COTL1: variants seen among roughly 807,000 people sequenced by gnomAD.
COTL1 encodes the protein coactosin like F-actin binding protein 1.
COTL1 carries 15 observed loss-of-function variants against 16.5 expected under a neutral mutation model. The observed-to-expected ratio is 0.91, with a 90% CI of 0.61 to 1.40. The LOEUF (loss-of-function observed/expected upper bound fraction) is 1.40, where lower values mean the gene tolerates loss of function less well. COTL1 is among the 40% of genes most tolerant of loss of function. The pLI, the probability that COTL1 is intolerant of heterozygous loss-of-function variation, is 0.00. For synonymous variants in COTL1, 112 were observed against 85.3 expected (o/e 1.31, Z -1.73); for missense variants, 220 against 201.5 (o/e 1.09, Z -0.56).
chr16:84,587,348 G>T (rs530129362), intron 3 of COTL1, among the ~76,000 whole-genome samples: 4 of 152,272 alleles, frequency 2.6e-5, no homozygotes, highest in Admixed American at 1.3e-4. Flanking sequence ...TTTTAAAAAT[G>T]ATTATCTCGC....
intron 3 of COTL1, among the ~76,000 whole-genome samples, chr16:84,587,740 G>T (rs937196857): frequency 2.6e-5 from 4 of 152,104 alleles, no homozygotes; most frequent in African/African-American, 7.2e-5. Flanking sequence ...GGAACTGACA[G>T]GGGGACCACA....
chr16:84,578,224 GC>G (rs1208331576), intron 3 of COTL1, among the ~76,000 whole-genome samples: 2 of 152,100 alleles, frequency 1.3e-5, no homozygotes, highest in African/African-American at 2.4e-5. Flanking sequence ...TCAAAACTGT[GC>G]CCAGCATTTC....
At chr16:84,589,261 C>T (rs1403012777) in intron 3 of COTL1, among the ~76,000 whole-genome samples, 1 of 152,232 alleles carries the variant, frequency 6.6e-6, no homozygotes, top group Admixed American at 6.5e-5. Context: ...CAGGCGTGAG[C>T]CACCGCACCC....
chr16:84,611,889 TG>T (rs1905336317), intron 2 of COTL1, among the ~76,000 whole-genome samples: 1 of 152,146 alleles, frequency 6.6e-6, no homozygotes, highest in South Asian at 2.1e-4. Flanking sequence ...CTTTCTGCTG[TG>T]GCCAGGTAGA....
chr16:84,617,415 C>T (rs1597190150), intron 2 of COTL1, 86 bp downstream of exon 2: 2 of 1,323,684 alleles, frequency 1.5e-6, no homozygotes, highest in East Asian at 2.5e-5. Context: ...CCACCGGTTC[C>T]TCCCGGGTTC....
chr16:84,582,881 C>T (rs1209837219), intron 3 of COTL1, among the ~76,000 whole-genome samples: 2 of 152,188 alleles, frequency 1.3e-5, no homozygotes, highest in East Asian at 3.8e-4. Flanking sequence ...GTCTCACTCC[C>T]CTACACGCCG....
intron 2 of COTL1, among the ~76,000 whole-genome samples, chr16:84,597,966 T>C (rs1905040519): frequency 6.6e-6 from 1 of 152,164 alleles, no homozygotes; most frequent in African/African-American, 2.4e-5. Flanking sequence ...CTCTAGCTCC[T>C]CTGCTTGCCC....
intron 2 of COTL1, among the ~76,000 whole-genome samples, chr16:84,608,019 A>G (rs989686200): frequency 3.9e-5 from 6 of 152,166 alleles, no homozygotes; most frequent in Non-Finnish European, 8.8e-5. Context: ...AGCGAGGGGG[A>G]CTATCTTTTC....
chr16:84,592,084 A>G (rs576685154), intron 2 of COTL1, among the ~76,000 whole-genome samples: 3 of 152,250 alleles, frequency 2.0e-5, no homozygotes, highest in Non-Finnish European at 4.4e-5. Flanking sequence ...AGTTATGACA[A>G]ACAAAAATGC....
At chr16:84,570,563 GT>G (rs1253383915) in intron 3 of COTL1, among the ~76,000 whole-genome samples, 1 of 150,772 alleles carries the variant, frequency 6.6e-6, no homozygotes, top group Non-Finnish European at 1.5e-5. Context: ...ATGATTCCAA[GT>G]TATACAAACA....
At chr16:84,580,646 A>T (rs891261) in intron 3 of COTL1, among the ~76,000 whole-genome samples, 55,754 of 151,638 alleles carry the variant, frequency 0.37, 11,446 homozygotes, top group African/African-American at 0.56. Flanking sequence ...GTCCCCCACC[A>T]TCTGGCTTCC....
At chr16:84,614,888 GC>G (rs1905431290) in intron 2 of COTL1, among the ~76,000 whole-genome samples, 1 of 152,166 alleles carries the variant, frequency 6.6e-6, no homozygotes, top group Non-Finnish European at 1.5e-5. Context: ...CCTGCCCCGA[GC>G]CAGCCTGCCT....
chr16:84,587,754 C>T (rs559233990), intron 3 of COTL1, among the ~76,000 whole-genome samples: 1 of 152,114 alleles, frequency 6.6e-6, no homozygotes, highest in South Asian at 2.1e-4. Flanking sequence ...GACCACAGGA[C>T]TCTATTATGT....
intron 3 of COTL1, among the ~76,000 whole-genome samples, chr16:84,569,724 G>C (rs1047561043): frequency 1.3e-5 from 2 of 152,198 alleles, no homozygotes; most frequent in African/African-American, 4.8e-5. Context: ...AAGTGTATGT[G>C]ATCCGTGCAA....
intron 3 of COTL1, among the ~76,000 whole-genome samples, chr16:84,570,173 G>A (rs1006680817): frequency 6.6e-6 from 1 of 152,214 alleles, no homozygotes; most frequent in Non-Finnish European, 1.5e-5. Flanking sequence ...CTACTCAGGA[G>A]GCTAAGGCAG....
intron 3 of COTL1, among the ~76,000 whole-genome samples, chr16:84,574,263 G>A (rs1400904720): frequency 6.6e-6 from 1 of 152,226 alleles, no homozygotes; most frequent in African/African-American, 2.4e-5. Flanking sequence ...CGTTCCTGGT[G>A]CCAGCCCCAC....
chr16:84,605,463 T>C (rs1006568068), intron 2 of COTL1, among the ~76,000 whole-genome samples: 3 of 152,312 alleles, frequency 2.0e-5, no homozygotes, highest in Admixed American at 6.5e-5. Flanking sequence ...GTCCCTCACA[T>C]GGCAAAAGGG....
intron 2 of COTL1, among the ~76,000 whole-genome samples, chr16:84,611,572 C>T (rs1905326267): frequency 6.6e-6 from 1 of 152,178 alleles, no homozygotes; most frequent in African/African-American, 2.4e-5. Context: ...AGGACAGGCG[C>T]CTTTTCTGCT....
intron 2 of COTL1, among the ~76,000 whole-genome samples, chr16:84,609,162 G>A (rs994864699): frequency 2.0e-5 from 3 of 152,134 alleles, no homozygotes; most frequent in Non-Finnish European, 2.9e-5. Context: ...ATATTCAGGT[G>A]CAAAACAGCA....
Sources: gnomAD v4.1 joint callset for allele counts (sites outside exome capture counted in the v4.1 genomes callset) on GRCh38, gnomAD v4.1.1 for gene constraint, MANE v1.5 for transcripts, NCBI Gene and HGNC (gene_info 2026-07-23, HGNC 2026-07-21) for gene names.